The following ADGRV1 variants were observed in gnomAD, a reference collection of about 807,000 sequenced individuals.
ADGRV1 encodes G-protein coupled receptor 98.
ADGRV1 carries 359 observed loss-of-function variants against 596.2 expected under a neutral mutation model. The ratio of observed to expected loss-of-function variants is 0.60; its 90% CI spans 0.55 to 0.66. The LOEUF (loss-of-function observed/expected upper bound fraction) is 0.66. Ranked by LOEUF, ADGRV1 falls within the 30% of genes least tolerant of loss-of-function variation. The pLI is 0.00. For synonymous variants in ADGRV1, 2,681 were observed against 2,679.2 expected, an observed-to-expected ratio of 1.00 and a Z score of -0.02; for missense variants, 7,274 against 7,575.6, an observed-to-expected ratio of 0.96 and a Z score of 1.48.
At chr5:90,579,741 A>G (rs1233337157) in intron 1 of ADGRV1, among the ~76,000 whole-genome samples, 1 of 152,134 alleles carries the variant, frequency 6.6e-6, no homozygotes, top group Non-Finnish European at 1.5e-5. Context: ...GTGGGAGTCT[A>G]AGTCTCTTTG....
At chr5:91,067,423 G>A (rs540294418) in intron 85 of ADGRV1, among the ~76,000 whole-genome samples, 36 of 152,172 alleles carry the variant, frequency 2.4e-4, no homozygotes, top group Admixed American at 7.8e-4. Flanking sequence ...GATTACAGGC[G>A]TGAGCCACCG....
At chr5:90,737,122 C>A (rs552577351) in intron 50 of ADGRV1, among the ~76,000 whole-genome samples, 7 of 151,800 alleles carry the variant, frequency 4.6e-5, no homozygotes, top group South Asian at 4.1e-4. Context: ...ACTGTTTTTG[C>A]TGCATACCAT....
rs769089467 is a variant in ADGRV1, at chr5:90,712,384, T to G, written c.9140T>G (p.Leu3047Ter). The G allele has an allele frequency of 6.3e-7, 1 of 1,589,014 alleles. No homozygotes were observed. ...PEGDEKFQLI[L>*]TNPSPGLELG... Reference sequence around the variant, plus strand: ...GGAGATGAAAAATTTCAGCTGATTTTAACAAATCCTTCTCCTGGACTAGAG... The same window carrying G: ...GGAGATGAAAAATTTCAGCTGATTTGAACAAATCCTTCTCCTGGACTAGAG... The change falls in exon 42 of 90, where the codon TTA (leucine) becomes TGA (stop). Residue 3047 changes from leucine to a stop codon, truncating the protein, a stop_gained. Coordinates refer to ENST00000405460, the MANE Select transcript of ADGRV1 (RefSeq NM_032119.4). LOFTEE classifies it high-confidence loss of function.
chr5:90,764,848 G>A (rs1756922385), intron 59 of ADGRV1, among the ~76,000 whole-genome samples: 3 of 152,182 alleles, frequency 2.0e-5, no homozygotes, highest in Admixed American at 6.5e-5. Flanking sequence ...TTTTGGGTCT[G>A]AGGGAAACAT....
intron 88 of ADGRV1, among the ~76,000 whole-genome samples, chr5:91,152,464 T>G (rs1796140506): frequency 6.6e-6 from 1 of 152,138 alleles, no homozygotes; most frequent in Non-Finnish European, 1.5e-5. Flanking sequence ...AGAATTTTCT[T>G]TGCATACATC....
intron 77 of ADGRV1, among the ~76,000 whole-genome samples, chr5:90,838,510 C>G (rs908866686): frequency 6.6e-6 from 1 of 152,140 alleles, no homozygotes; most frequent in Non-Finnish European, 1.5e-5. Flanking sequence ...CTCATCACCT[C>G]TCCTGATCCA....
chr5:91,015,273 A>G (rs890412239), intron 85 of ADGRV1, among the ~76,000 whole-genome samples: 7 of 152,038 alleles, frequency 4.6e-5, no homozygotes, highest in Non-Finnish European at 8.8e-5. Context: ...GTTCTTTTGC[A>G]TTTACTGATG....
intron 83 of ADGRV1, among the ~76,000 whole-genome samples, chr5:90,910,987 A>G (rs929636262): frequency 6.6e-6 from 1 of 152,132 alleles, no homozygotes; most frequent in South Asian, 2.1e-4. Context: ...CAAAAGGAGG[A>G]TGATGTTAAC....
intron 1 of ADGRV1, among the ~76,000 whole-genome samples, chr5:90,600,048 A>G (rs1472201920): frequency 2.0e-5 from 3 of 152,212 alleles, no homozygotes; most frequent in Non-Finnish European, 2.9e-5. Context: ...GGTAGTGACA[A>G]TAGATAATAT....
intron 70 of ADGRV1, among the ~76,000 whole-genome samples, chr5:90,799,268 T>A (rs960724742): frequency 1.3e-5 from 2 of 152,122 alleles, no homozygotes; most frequent in Admixed American, 6.6e-5. Flanking sequence ...TCACAAGTAT[T>A]CTTATACACC....
chr5:90,933,317 CA>C (rs1259385615), intron 83 of ADGRV1, among the ~76,000 whole-genome samples: 1 of 152,038 alleles, frequency 6.6e-6, no homozygotes, highest in Non-Finnish European at 1.5e-5. Flanking sequence ...GTGTTAGAAG[CA>C]GAACTATTTT....
chr5:91,040,945 A>G (rs1295192039), intron 85 of ADGRV1, among the ~76,000 whole-genome samples: 6 of 152,134 alleles, frequency 3.9e-5, no homozygotes, highest in African/African-American at 9.7e-5. Flanking sequence ...CTTCTACCCA[A>G]TCTTCTCTTC....
intron 84 of ADGRV1, among the ~76,000 whole-genome samples, chr5:90,983,376 ATG>A (rs1780236849): frequency 6.6e-6 from 1 of 152,202 alleles, no homozygotes; most frequent in South Asian, 2.1e-4. Context: ...CATTTTGAAA[ATG>A]TCTCAATCTT....
chr5:90,616,125 C>T (rs1763337673), intron 2 of ADGRV1, among the ~76,000 whole-genome samples: 1 of 152,024 alleles, frequency 6.6e-6, no homozygotes, highest in Non-Finnish European at 1.5e-5. Flanking sequence ...CCCTTCACAA[C>T]TTACTTGGAT....
intron 85 of ADGRV1, among the ~76,000 whole-genome samples, chr5:91,050,005 G>T (rs2151303643): frequency 6.6e-6 from 1 of 152,288 alleles, no homozygotes; most frequent in Middle Eastern, 3.4e-3. Flanking sequence ...TCATGTGCGG[G>T]CCTGCCAGGG....
chr5:91,155,368 C>G (rs1323796407), intron 89 of ADGRV1, among the ~76,000 whole-genome samples: 1 of 152,146 alleles, frequency 6.6e-6, no homozygotes, highest in Admixed American at 6.5e-5. Context: ...AGAACCAGTG[C>G]TGCAGTGTGG....
At chr5:90,559,465 T>C (rs547873531) in intron 1 of ADGRV1, among the ~76,000 whole-genome samples, 1 of 152,282 alleles carries the variant, frequency 6.6e-6, no homozygotes, top group Non-Finnish European at 1.5e-5. Context: ...GAATAATATG[T>C]ATATGTATAT....
At chr5:90,722,339 G>C (rs898379820) in intron 45 of ADGRV1, among the ~76,000 whole-genome samples, 2 of 151,994 alleles carry the variant, frequency 1.3e-5, no homozygotes, top group African/African-American at 2.4e-5. Flanking sequence ...ATTTTAGTAA[G>C]GGGAGTAAAA....
chr5:90,941,696 G>T (rs1242130671), intron 83 of ADGRV1, among the ~76,000 whole-genome samples: 1 of 152,154 alleles, frequency 6.6e-6, no homozygotes, highest in Admixed American at 6.5e-5. Context: ...AGCAACTTTA[G>T]GGTAGATTCT....
Sources: allele counts gnomAD v4.1 joint callset (sites outside exome capture counted in the v4.1 genomes callset), GRCh38; gene constraint gnomAD v4.1.1; transcripts MANE v1.5; gene names NCBI Gene and HGNC (gene_info 2026-07-23, HGNC 2026-07-21).